The following SVIL variants were observed in gnomAD, a reference collection of about 807,000 sequenced individuals.
The protein encoded by SVIL is supervillin.
SVIL carries 101 observed loss-of-function variants against 240.4 expected under a neutral mutation model. The ratio of observed to expected loss-of-function variants is 0.42; its 90% CI spans 0.36 to 0.50. SVIL has a LOEUF of 0.50. SVIL is among the 20% of genes least tolerant of loss of function. The pLI is 0.01. For synonymous variants in SVIL, 999 were observed against 1,100.0 expected, an observed-to-expected ratio of 0.91 and a Z score of 1.82; for missense variants, 2,512 against 2,818.7, an observed-to-expected ratio of 0.89 and a Z score of 2.46.
chr10:29,610,991 A>G (rs1957224948), intron 1 of SVIL, among the ~76,000 whole-genome samples: 1 of 152,174 alleles, frequency 6.6e-6, no homozygotes, highest in Admixed American at 6.5e-5. Flanking sequence ...GCCCAGAGCC[A>G]TCAGCTACTT....
Position 29,471,228 on chromosome 10 carries a change from C to A in SVIL, c.5545G>T (p.Gly1849Ter), listed in dbSNP as rs1349703595. The change falls in exon 31 of 38, where the codon GGA becomes TGA. Residue 1849 changes from glycine (G) to a stop codon, truncating the protein, a stop_gained. Coordinates refer to ENST00000355867, the MANE Select transcript of SVIL (RefSeq NM_021738.3). LOFTEE classifies it high-confidence loss of function. ...TGCAGGAAACAGGGGGGCTCCTTTC[C>A]CTGGAGAACCTGGACCTTCCGATTT... is the stretch of plus-strand genomic sequence containing the variant. ...ERGAQVQVLQ[G>*]KEPPCFLQCF... 1 of 1,611,976 alleles carries A rather than the reference C, an allele frequency of 6.2e-7. No homozygotes were observed. The highest frequency in any genetic ancestry group is 8.5e-7 in the Non-Finnish European group (1 of 1,178,424).
At chr10:29,462,223 C>G in intron 36 of SVIL, 54 bp downstream of exon 36, 1 of 1,575,906 alleles carries the variant, frequency 6.3e-7, no homozygotes, top group Non-Finnish European at 8.6e-7. Context: ...TAAAGTTAAC[C>G]CACAATCCAA....
rs566161673 is a variant in SVIL, at chr10:29,675,694, C to T, written c.-301+10859G>A. Among the ~76,000 whole-genome samples the T allele has an allele frequency of 6.8e-4, 103 of 152,204 alleles. 1 individual carries two copies. Among genetic ancestry groups the T allele is most frequent in the African/African-American group, 2.4e-3 (100 of 41,518 alleles). ...GAATAAAACTAATGATTTTTTCCCCCTTATCCACCCTCCCAATAGAAAAAC... is the reference window on the plus strand; with the variant it reads ...GAATAAAACTAATGATTTTTTCCCCTTTATCCACCCTCCCAATAGAAAAAC... On this transcript the variant is annotated intron_variant, in intron 2 of 35. Transcript: ENST00000375400.
intron 1 of SVIL, among the ~76,000 whole-genome samples, chr10:29,574,502 A>G (rs1831158): frequency 0.55 from 83,592 of 152,036 alleles, 23,596 homozygotes; most frequent in African/African-American, 0.69. Context: ...ACTGGAACAA[A>G]TGAATCAGGC....
intron 30 of SVIL, 101 bp downstream of exon 30, chr10:29,473,737 A>G: frequency 2.6e-6 from 4 of 1,509,994 alleles, no homozygotes; most frequent in Non-Finnish European, 3.6e-6. Context: ...GTGGTCTTCC[A>G]TTATCAGAAT....
intron 23 of SVIL, 184 bp from the exon 24 acceptor site, chr10:29,487,483 C>T (rs1360397428): frequency 3.1e-6 from 2 of 634,960 alleles, no homozygotes; most frequent in South Asian, 2.2e-5. Context: ...GCACTAGCGG[C>T]TGCTTTCCTG....
chr10:29,508,475 C>T (rs1949540325), intron 17 of SVIL: 2 of 1,145,206 alleles, frequency 1.7e-6, no homozygotes, highest in East Asian at 5.8e-5. Context: ...TCAAGTATTT[C>T]ATGCCTGGGT....
At chr10:29,722,187 C>T (rs1451066598) in intron 1 of SVIL, among the ~76,000 whole-genome samples, 1 of 146,646 alleles carries the variant, frequency 6.8e-6, no homozygotes, top group East Asian at 2.0e-4. Flanking sequence ...GCAGTGACTG[C>T]ACTCCAGCCT....
Position 29,551,200 on chromosome 10 carries a change from T to C in SVIL, c.224A>G (p.Tyr75Cys), listed in dbSNP as rs761609595. 6.2e-7 allele frequency: 1 copy of C among 1,611,738 alleles called. No homozygotes were observed. Among genetic ancestry groups the C allele is most frequent in the Non-Finnish European group, 8.5e-7 (1 of 1,179,104 alleles). Residue 75 changes from tyrosine (Y) to cysteine (C), a missense_variant, in exon 6 of 38, where the codon TAC becomes TGC. Coordinates refer to ENST00000355867, the MANE Select transcript of SVIL (RefSeq NM_021738.3). ...GTGGACACCGGAGGTTTCTGTGCAGTATTTGGATCGAGTTTGCTTTTCTAG... is the reference window on the plus strand; with the variant it reads ...GTGGACACCGGAGGTTTCTGTGCAGCATTTGGATCGAGTTTGCTTTTCTAG... ...SSLEKQTRSK[Y>C]CTETSGVHGD...
At chr10:29,558,158 A>G (rs1954111607) in intron 3 of SVIL, among the ~76,000 whole-genome samples, 1 of 152,174 alleles carries the variant, frequency 6.6e-6, no homozygotes, top group South Asian at 2.1e-4. Context: ...TACAGACGCC[A>G]CTAGCCCAGC....
Position 29,541,801 on chromosome 10 carries a change from G to C in SVIL, c.828-5732C>G, listed in dbSNP as rs548278601. On this transcript the variant is annotated intron_variant, in intron 6 of 37. Coordinates refer to ENST00000355867, the MANE Select transcript of SVIL (RefSeq NM_021738.3). ...CTAGACTAGAATCAGCCATTCGCGG[G>C]GCTGTGGACTCAGTTCACGACGCTC... Among the ~76,000 whole-genome samples, 540 of 150,388 alleles carry C rather than the reference G, an allele frequency of 3.6e-3. 14 individuals are homozygous for C. The South Asian group carries it at 0.075, about 21-fold the overall frequency.
At position 29,492,511 on chromosome 10, in the gene SVIL, T is replaced by A. The variant is rs1311265248; in HGVS notation, c.4019+703A>T. On this transcript the variant is annotated intron_variant, in intron 21 of 37. Coordinates refer to ENST00000355867, the MANE Select transcript of SVIL (RefSeq NM_021738.3). ...TGAGCCAGTAAACCCCTCCGCACTG[T>A]TCAGTGGCTGAGCCGGCAAACCCCT... 7.9e-5 allele frequency among the ~76,000 whole-genome samples: 12 copies of A among 152,120 alleles called. No homozygotes were observed. In the East Asian group the frequency reaches 2.3e-3, roughly 30 times the overall value.
At chr10:29,553,332 AC>A (rs1403808566) in intron 5 of SVIL, among the ~76,000 whole-genome samples, 1 of 152,110 alleles carries the variant, frequency 6.6e-6, no homozygotes, top group Non-Finnish European at 1.5e-5. Flanking sequence ...TAATCACAGC[AC>A]TTTGGGTGGC....
At chr10:29,696,298 G>A (rs997533238) in intron 1 of SVIL, among the ~76,000 whole-genome samples, 1 of 152,036 alleles carries the variant, frequency 6.6e-6, no homozygotes, top group African/African-American at 2.4e-5. Context: ...ATCTCGGCTC[G>A]CTATGGCCTC....
At position 29,493,391 on chromosome 10, in the gene SVIL, A is replaced by G; in HGVS notation, c.3842T>C (p.Val1281Ala). ...GAGCACCGTTTCGTGCATCCCGCCA[A>G]CTATCAACAAACAAGCAAAAGACAT... Reference protein sequence around the residue: ...ETFLRRLNNKVGGMHETVLTV... With the variant: ...ETFLRRLNNKAGGMHETVLTV... The change falls in exon 21 of 38, where the codon GTT (valine) becomes GCT (alanine). Residue 1281 changes from valine (V) to alanine (A), a missense_variant and splice_region_variant. By Grantham distance (64) the Val-to-Ala change is moderately conservative. Around this residue, in one of 3 missense-constraint regions of SVIL, gnomAD observed 272 missense variants for 406.8 expected, o/e 0.67. Coordinates refer to ENST00000355867, the MANE Select transcript of SVIL (RefSeq NM_021738.3). 6.2e-7 allele frequency: 1 copy of G among 1,613,980 alleles called. No individual in the cohort carries two copies. Among genetic ancestry groups the G allele is most frequent in the Non-Finnish European group, 8.5e-7 (1 of 1,179,900 alleles).
chr10:29,656,084 T>C (rs1247454), intron 3 of SVIL, among the ~76,000 whole-genome samples: 26,191 of 151,616 alleles, frequency 0.17, 2,435 homozygotes, highest in South Asian at 0.34. Context: ...TTGGCCAGGA[T>C]GATCTCGATC....
At chr10:29,619,540 A>T (rs1957550329) in intron 1 of SVIL, among the ~76,000 whole-genome samples, 1 of 152,168 alleles carries the variant, frequency 6.6e-6, no homozygotes, top group South Asian at 2.1e-4. Flanking sequence ...TAAGAGCCAA[A>T]CTCACAGCCC....
In SVIL at chr10:29,592,955, A is replaced by T. The variant is rs189336621; in HGVS notation, c.-200-23643T>A. On this transcript the variant is annotated intron_variant, in intron 1 of 37. Coordinates refer to ENST00000355867, the MANE Select transcript of SVIL (RefSeq NM_021738.3). The stretch of plus-strand genomic sequence containing the variant: ...TAAATTTAAAGGAAAAAAAGTCTCT[A>T]AAATTCTAATTTATTAAATTGTTGT... Among the ~76,000 whole-genome samples the T allele has an allele frequency of 3.3e-5, 5 of 152,332 alleles. No homozygotes were observed. In the East Asian group the frequency reaches 9.6e-4, roughly 29 times the overall value.
intron 2 of SVIL, among the ~76,000 whole-genome samples, chr10:29,667,477 G>A (rs978910473): frequency 6.6e-6 from 1 of 152,072 alleles, no homozygotes; most frequent in Non-Finnish European, 1.5e-5. Flanking sequence ...CTGATGACAC[G>A]GGGCAACAAG....
Sources: allele counts gnomAD v4.1 joint callset (sites outside exome capture counted in the v4.1 genomes callset), GRCh38; gene constraint gnomAD v4.1.1; regional missense constraint gnomAD v4.1.1; transcripts MANE v1.5; gene names NCBI Gene and HGNC (gene_info 2026-07-23, HGNC 2026-07-21).